Variants in TYW1B observed in about 807,000 individuals in gnomAD.
TYW1B encodes the protein tRNA-yW synthesizing protein 1 homolog B.
Under a neutral mutation model 86.9 loss-of-function variants are expected in TYW1B, and 73 were observed. That is an observed-to-expected ratio of 0.84 (90% CI 0.70 to 1.02). The LOEUF (loss-of-function observed/expected upper bound fraction) is 1.02. Among genes scored for constraint, TYW1B ranks in the 50% least tolerant of loss-of-function variants. The pLI is 0.00. For missense variants in TYW1B, 637 were observed against 827.4 expected, an observed-to-expected ratio of 0.77 and a Z score of 2.82; for synonymous variants, 248 against 292.8, an observed-to-expected ratio of 0.85 and a Z score of 1.56.
In TYW1B at chr7:72,575,736, G is replaced by A. The variant is rs1407196356; in HGVS notation, c.1786-17C>T. 3 of 1,587,212 alleles carry A rather than the reference G, an allele frequency of 1.9e-6. No homozygotes were observed. In the African/African-American group the frequency reaches 4.1e-5, roughly 22 times the overall value. ...AATTTTAAACTGGAAAGAAAAAAAT[G>A]TGTCAAGTCAGAAGTAAAAACATCC... On this transcript the variant is annotated splice_polypyrimidine_tract_variant and intron_variant, in intron 13 of 13. Coordinates refer to ENST00000620995, the MANE Select transcript of TYW1B (RefSeq NM_001145440.3).
intron 2 of TYW1B, among the ~76,000 whole-genome samples, chr7:72,818,792 A>T (rs13311141): frequency 6.6e-6 from 1 of 151,876 alleles, no homozygotes; most frequent in Admixed American, 6.6e-5. Flanking sequence ...GAGAAGGAGG[A>T]GGTGCCACAC....
chr7:72,630,155 T>A (rs1352388007), intron 11 of TYW1B, among the ~76,000 whole-genome samples: 1 of 152,104 alleles, frequency 6.6e-6, no homozygotes, highest in Admixed American at 6.6e-5. Context: ...GGCGTGCACC[T>A]GTAATCCCAG....
chr7:72,797,981 A>G (rs1329122109), intron 6 of TYW1B, among the ~76,000 whole-genome samples: 1 of 149,936 alleles, frequency 6.7e-6, no homozygotes, highest in African/African-American at 2.5e-5. Context: ...CTTTCAGTGA[A>G]CCCAGCTAGA....
At chr7:72,809,777 A>G (rs1788568503) in intron 4 of TYW1B, among the ~76,000 whole-genome samples, 1 of 152,182 alleles carries the variant, frequency 6.6e-6, no homozygotes, top group African/African-American at 2.4e-5. Context: ...AGGTGGGTGG[A>G]TCACCTGAGG....
rs189598126 is a variant in TYW1B at position 72,812,787 on chromosome 7, C to A, written c.238-2122G>T. Among the ~76,000 whole-genome samples, 29 of 151,868 alleles carry A rather than the reference C, an allele frequency of 1.9e-4. 1 individual carries two copies. Among genetic ancestry groups the A allele is most frequent in the Admixed American group, 1.9e-3 (29 of 15,214 alleles). On this transcript the variant is annotated intron_variant, in intron 3 of 13. Transcript: ENST00000620995. ...CTCAGCTCACTGCAACCTCCACCTC[C>A]CGAGTTTAAGCAATTCTCATGCCTC...
intron 7 of TYW1B, among the ~76,000 whole-genome samples, chr7:72,774,059 T>C (rs528529585): frequency 1.9e-5 from 2 of 102,602 alleles, no homozygotes; most frequent in South Asian, 6.4e-4. Flanking sequence ...TGAAACTCCA[T>C]CTCAAAAAAA....
chr7:72,767,123 T>G (rs1417512575), intron 7 of TYW1B, among the ~76,000 whole-genome samples: 21 of 151,868 alleles, frequency 1.4e-4, no homozygotes, highest in Admixed American at 1.3e-3. Context: ...TGAAAAAGAC[T>G]CTACAAAAAC....
At chr7:72,724,743 T>C (rs1308033203) in intron 9 of TYW1B, among the ~76,000 whole-genome samples, 4 of 151,996 alleles carry the variant, frequency 2.6e-5, no homozygotes, top group African/African-American at 9.7e-5. Flanking sequence ...TCCATTCAGA[T>C]ATGAAAAAAA....
rs559389193 is a variant in TYW1B at position 72,634,811 on chromosome 7, G to A, written c.1507-5814C>T. Among the ~76,000 whole-genome samples, 8 of 152,224 alleles carry A rather than the reference G, an allele frequency of 5.3e-5. No individual in the cohort carries two copies. The South Asian group carries it at 1.7e-3, about 32-fold the overall frequency. ...TGTGAAGTACTGGTTCAAATGTCTTGAATATGTCTCTGTTGGAATATTTGT... is the reference window on the plus strand; with the variant it reads ...TGTGAAGTACTGGTTCAAATGTCTTAAATATGTCTCTGTTGGAATATTTGT... On this transcript the variant is annotated intron_variant, in intron 11 of 13. Coordinates refer to ENST00000620995, the MANE Select transcript of TYW1B (RefSeq NM_001145440.3).
chr7:72,615,155 A>C (rs1812038736), intron 13 of TYW1B, among the ~76,000 whole-genome samples: 2 of 152,262 alleles, frequency 1.3e-5, no homozygotes, highest in Admixed American at 6.5e-5. Flanking sequence ...TAAACACTTG[A>C]AGAACTGAAT....
chr7:72,613,363 T>G (rs548041146), intron 13 of TYW1B, among the ~76,000 whole-genome samples: 26 of 151,416 alleles, frequency 1.7e-4, no homozygotes, highest in African/African-American at 6.3e-4. Flanking sequence ...CTCAAATATT[T>G]ACTTTATATA....
intron 13 of TYW1B, among the ~76,000 whole-genome samples, chr7:72,604,767 AGCACAGAG>A (rs1363735630): frequency 1.3e-5 from 2 of 152,126 alleles, no homozygotes; most frequent in African/African-American, 4.8e-5. Flanking sequence ...CCCCCTCCAA[AGCACAGAG>A]GCCCACCCTC....
chr7:72,743,149 G>C (rs1372486821), intron 8 of TYW1B, among the ~76,000 whole-genome samples: 2 of 152,182 alleles, frequency 1.3e-5, no homozygotes, highest in African/African-American at 2.4e-5. Flanking sequence ...TCAGAAAAGA[G>C]ACTGAGACTG....
intron 11 of TYW1B, among the ~76,000 whole-genome samples, chr7:72,658,713 G>A (rs1167369558): frequency 6.6e-6 from 1 of 152,080 alleles, no homozygotes; most frequent in Non-Finnish European, 1.5e-5. Flanking sequence ...ATAAACATAA[G>A]ACTATTTTGT....
At chr7:72,642,405 T>C (rs1330096287) in intron 11 of TYW1B, among the ~76,000 whole-genome samples, 4 of 152,286 alleles carry the variant, frequency 2.6e-5, no homozygotes, top group African/African-American at 9.6e-5. Flanking sequence ...AAAAGTTAAA[T>C]ATAGAATTAC....
chr7:72,719,137 T>C (rs1402080177), intron 9 of TYW1B, among the ~76,000 whole-genome samples: 9 of 151,762 alleles, frequency 5.9e-5, no homozygotes, highest in Admixed American at 2.0e-4. Flanking sequence ...AACTGAAAAA[T>C]AAATTCAATT....
At chr7:72,733,986 C>T (rs1197029909) in intron 8 of TYW1B, among the ~76,000 whole-genome samples, 1 of 151,998 alleles carries the variant, frequency 6.6e-6, no homozygotes, top group African/African-American at 2.4e-5. Context: ...TAGCCAGATG[C>T]GGTGGCTCAC....
At chr7:72,761,378 A>T (rs1032868437) in intron 7 of TYW1B, among the ~76,000 whole-genome samples, 1 of 152,084 alleles carries the variant, frequency 6.6e-6, no homozygotes, top group Non-Finnish European at 1.5e-5. Flanking sequence ...TGTGCCTAAA[A>T]TATATAAGGT....
At chr7:72,697,753 A>T (rs1814357865) in intron 10 of TYW1B, 2 of 152,246 alleles carry the variant, frequency 1.3e-5, no homozygotes, top group Admixed American at 6.5e-5. Context: ...AAGATAGACA[A>T]CCTTAAGCCC....
Sources: gnomAD v4.1 joint callset for allele counts (sites outside exome capture counted in the v4.1 genomes callset) on GRCh38, gnomAD v4.1.1 for gene constraint, MANE v1.5 for transcripts, NCBI Gene and HGNC (gene_info 2026-07-23, HGNC 2026-07-21) for gene names.